The following MTUS1 variants were observed in gnomAD, a reference collection of about 807,000 sequenced individuals.
MTUS1 encodes microtubule associated scaffold protein 1, also known as microtubule-associated tumor suppressor 1.
A neutral mutation model predicts 120.8 loss-of-function variants in MTUS1; 109 were observed. That is an observed-to-expected ratio of 0.90 (90% CI 0.77 to 1.06). The LOEUF is 1.06. Among genes scored for constraint, MTUS1 ranks in the 50% least tolerant of loss-of-function variants. The probability of loss-of-function intolerance (pLI) is 0.00; values close to 1 mark genes in which losing one functional copy is unlikely to be tolerated. For missense variants in MTUS1, 2,210 were observed against 1,486.3 expected, an observed-to-expected ratio of 1.49 and a Z score of -8.01; for synonymous variants, 737 against 550.5, an observed-to-expected ratio of 1.34 and a Z score of -4.74.
At chr8:17,743,881 C>A in intron 2 of MTUS1, 82 bp from the exon 3 acceptor site, 1 of 1,222,666 alleles carries the variant, frequency 8.2e-7, no homozygotes, top group South Asian at 1.5e-5. Context: ...CTCCTCTAGG[C>A]CAAGGCAATT....
At chr8:17,673,864 T>A (rs1054875763) in intron 8 of MTUS1, among the ~76,000 whole-genome samples, 2 of 152,090 alleles carry the variant, frequency 1.3e-5, no homozygotes, top group African/African-American at 4.8e-5. Flanking sequence ...TGTGGTCTTG[T>A]CCAAAAGAAA....
intron 4 of MTUS1, among the ~76,000 whole-genome samples, chr8:17,716,219 G>A (rs1338741462): frequency 1.3e-5 from 2 of 152,192 alleles, no homozygotes; most frequent in African/African-American, 4.8e-5. Flanking sequence ...TATGTAACAA[G>A]AATGCCCCAG....
intron 1 of MTUS1, among the ~76,000 whole-genome samples, chr8:17,800,087 T>C (rs1423656970): frequency 1.3e-5 from 2 of 152,212 alleles, no homozygotes; most frequent in African/African-American, 4.8e-5. Flanking sequence ...TTTATGCAAT[T>C]CCTTTTAAAG....
chr8:17,736,593 T>G (rs536717292), intron 3 of MTUS1, among the ~76,000 whole-genome samples: 7 of 152,036 alleles, frequency 4.6e-5, no homozygotes, highest in Middle Eastern at 6.8e-3. Context: ...ATTTTTTGCT[T>G]GTTTTTTTTG....
At chr8:17,755,995 A>G (rs2048580319) in intron 1 of MTUS1, 34 bp from the exon 2 acceptor site, 19 of 1,353,658 alleles carry the variant, frequency 1.4e-5, no homozygotes, top group Non-Finnish European at 1.5e-5. Flanking sequence ...TCAAGTAACT[A>G]TAAGAAAAAT....
intron 3 of MTUS1, among the ~76,000 whole-genome samples, chr8:17,737,756 G>C (rs1193157519): frequency 6.6e-6 from 1 of 152,046 alleles, no homozygotes; most frequent in Non-Finnish European, 1.5e-5. Context: ...CTAATTCCTG[G>C]GATCACAGAT....
At chr8:17,727,267 T>C (rs989805829) in intron 3 of MTUS1, among the ~76,000 whole-genome samples, 2 of 152,242 alleles carry the variant, frequency 1.3e-5, no homozygotes, top group East Asian at 1.9e-4. Context: ...TCCCAGTTAA[T>C]AGATGAGAAG....
At chr8:17,675,786 T>A (rs1397892249) in intron 7 of MTUS1, among the ~76,000 whole-genome samples, 1 of 152,226 alleles carries the variant, frequency 6.6e-6, no homozygotes, top group African/African-American at 2.4e-5. Flanking sequence ...AAAATTAAAT[T>A]AATTTTTTTC....
rs1805939075 is a variant in MTUS1 at position 17,646,986 on chromosome 8, A to G, written c.3595T>C (p.Ser1199Pro). The stretch of plus-strand genomic sequence containing the variant: ...ACAGCACTGTTTTATTTTTACCTTG[A>G]GATTGCCATGTGCTTGTCCATCCGA... ...KARMDKHMAI[S>P]RQLSTEQAVL... Residue 1199 changes from serine (S) to proline (P), a missense_variant, in exon 14 of 15, where the codon TCA becomes CCA. Physicochemically the swap from Ser to Pro is moderately conservative, Grantham distance 74. Transcript: ENST00000693296. 6.2e-7 allele frequency: 1 copy of G among 1,612,726 alleles called. No individual in the cohort carries two copies. Among genetic ancestry groups the G allele is most frequent in the Non-Finnish European group, 8.5e-7 (1 of 1,179,006 alleles).
At chr8:17,742,288 GTTGTTTT>G (rs1253319458) in intron 3 of MTUS1, among the ~76,000 whole-genome samples, 1 of 67,568 alleles carries the variant, frequency 1.5e-5, no homozygotes, top group Non-Finnish European at 2.8e-5. Flanking sequence ...TTTTGTTGTT[GTTGTTTT>G]TTTTTTTTTT....
At chr8:17,700,876 G>A (rs991745603) in intron 6 of MTUS1, among the ~76,000 whole-genome samples, 2 of 148,438 alleles carry the variant, frequency 1.3e-5, no homozygotes, top group Non-Finnish European at 3.0e-5. Context: ...TCATAAGTCA[G>A]TATGTTGTAA....
At chr8:17,663,593 T>C (rs1046864526) in intron 8 of MTUS1, among the ~76,000 whole-genome samples, 2 of 88,276 alleles carry the variant, frequency 2.3e-5, no homozygotes, top group Non-Finnish European at 6.0e-5. Context: ...ACTTTTTGTT[T>C]TGTTTTGTTT....
At chr8:17,745,887 G>T (rs1037707379) in intron 2 of MTUS1, among the ~76,000 whole-genome samples, 1 of 152,150 alleles carries the variant, frequency 6.6e-6, no homozygotes, top group Admixed American at 6.5e-5. Flanking sequence ...CTGGAGGAGG[G>T]ACCTGGTGGG....
chr8:17,790,443 C>A (rs181416251), intron 1 of MTUS1, among the ~76,000 whole-genome samples: 140 of 152,014 alleles, frequency 9.2e-4, no homozygotes, highest in African/African-American at 3.3e-3. Flanking sequence ...TACAAAAAAT[C>A]TAATTATTCA....
At chr8:17,740,518 G>C (rs2047237694) in intron 3 of MTUS1, among the ~76,000 whole-genome samples, 1 of 152,204 alleles carries the variant, frequency 6.6e-6, no homozygotes, top group African/African-American at 2.4e-5. Context: ...AAAGCACATT[G>C]TTTCTGCTCC....
intron 7 of MTUS1, among the ~76,000 whole-genome samples, chr8:17,676,769 G>A (rs563694724): frequency 6.6e-6 from 1 of 152,216 alleles, no homozygotes; most frequent in South Asian, 2.1e-4. Context: ...ATAGAAAAGG[G>A]AAACTTGTTC....
At chr8:17,699,283 T>C (rs1818564291) in intron 6 of MTUS1, among the ~76,000 whole-genome samples, 2 of 152,320 alleles carry the variant, frequency 1.3e-5, no homozygotes, top group South Asian at 2.1e-4. Context: ...AATGGCGCAG[T>C]CTCTGCTCAC....
At position 17,753,871 on chromosome 8, in the gene MTUS1, T is replaced by G. The variant is rs780202425; in HGVS notation, c.1937A>C (p.Glu646Ala). Residue 646 changes from glutamate (E) to alanine (A), a missense_variant, in exon 2 of 15, where the codon GAA becomes GCA. Transcript: ENST00000693296. Reference sequence around the variant, plus strand: ...GGTCATTTCCAAACATTCTGCACTTTCCATTTTAACAGGGAGTATGCCTTT... The same window carrying G: ...GGTCATTTCCAAACATTCTGCACTTGCCATTTTAACAGGGAGTATGCCTTT... ...KIKGILPVKM[E>A]SAECLEMTYV... The G allele has an allele frequency of 6.2e-7, 1 of 1,614,174 alleles. No homozygotes were observed. The highest frequency in any genetic ancestry group is 2.2e-5 in the East Asian group (1 of 44,878).
At chr8:17,795,991 C>T (rs914489599) in intron 1 of MTUS1, among the ~76,000 whole-genome samples, 2 of 151,510 alleles carry the variant, frequency 1.3e-5, no homozygotes, top group African/African-American at 2.4e-5. Flanking sequence ...ACTCTGTTGG[C>T]CAGGCTGGAG....
Sources: allele counts gnomAD v4.1 joint callset (sites outside exome capture counted in the v4.1 genomes callset), GRCh38; gene constraint gnomAD v4.1.1; transcripts MANE v1.5; gene names NCBI Gene and HGNC (gene_info 2026-07-23, HGNC 2026-07-21).